Variants in NKAIN3 observed in about 807,000 individuals in gnomAD.
NKAIN3 encodes sodium/potassium transporting ATPase interacting 3.
Under a neutral mutation model 30.2 loss-of-function variants are expected in NKAIN3, and 25 were observed. The ratio of observed to expected loss-of-function variants is 0.83; its 90% CI spans 0.60 to 1.16. The LOEUF is 1.16. Among genes scored for constraint, NKAIN3 ranks in the 50% most tolerant of loss-of-function variants. The pLI is 0.00. For missense variants in NKAIN3, 225 were observed against 254.1 expected, an observed-to-expected ratio of 0.89 and a Z score of 0.78; for synonymous variants, 91 against 89.6, an observed-to-expected ratio of 1.02 and a Z score of -0.09.
intron 4 of NKAIN3, among the ~76,000 whole-genome samples, chr8:62,870,697 A>ATATATATATATCTC (rs1820609562): frequency 1.9e-5 from 2 of 107,836 alleles, no homozygotes; most frequent in South Asian, 3.0e-4. Context: ...CTCTCTATCT[A>ATATATATATATCTC]TATATCTATA....
At chr8:62,259,659 G>A (rs984414928) in intron 1 of NKAIN3, among the ~76,000 whole-genome samples, 1 of 152,138 alleles carries the variant, frequency 6.6e-6, no homozygotes, top group African/African-American at 2.4e-5. Flanking sequence ...GCCCTGTAAT[G>A]GAACATTCTT....
At chr8:62,646,337 TCA>T (rs1002840555) in intron 3 of NKAIN3, among the ~76,000 whole-genome samples, 5 of 152,138 alleles carry the variant, frequency 3.3e-5, no homozygotes, top group African/African-American at 1.2e-4. Flanking sequence ...TCATTTACAT[TCA>T]AAACTGCAAA....
chr8:62,806,403 C>G (rs546232095), intron 4 of NKAIN3, among the ~76,000 whole-genome samples: 14 of 152,242 alleles, frequency 9.2e-5, no homozygotes, highest in Non-Finnish European at 1.9e-4. Context: ...TTGAACCAAC[C>G]CAAATGTGCA....
At chr8:62,388,668 G>T (rs1321907875) in intron 1 of NKAIN3, among the ~76,000 whole-genome samples, 1 of 152,190 alleles carries the variant, frequency 6.6e-6, no homozygotes, top group East Asian at 1.9e-4. Context: ...CATCAAAGTT[G>T]CATTATCCTA....
At chr8:62,657,418 G>A (rs1242232242) in intron 3 of NKAIN3, among the ~76,000 whole-genome samples, 1 of 152,094 alleles carries the variant, frequency 6.6e-6, no homozygotes, top group Non-Finnish European at 1.5e-5. Context: ...TGTGCCCTTA[G>A]CCAATCTCAA....
At chr8:62,728,203 T>C (rs1444954509) in intron 3 of NKAIN3, among the ~76,000 whole-genome samples, 2 of 151,994 alleles carry the variant, frequency 1.3e-5, no homozygotes, top group Non-Finnish European at 2.9e-5. Context: ...AACTATATAC[T>C]CCTAGATCAT....
chr8:62,962,400 A>T (rs1210370818), intron 6 of NKAIN3, among the ~76,000 whole-genome samples: 2 of 152,242 alleles, frequency 1.3e-5, no homozygotes, highest in African/African-American at 4.8e-5. Context: ...AGATGATTGG[A>T]GCAAGTGATT....
At chr8:62,461,998 T>A (rs1054793743) in intron 1 of NKAIN3, among the ~76,000 whole-genome samples, 5 of 151,964 alleles carry the variant, frequency 3.3e-5, no homozygotes, top group African/African-American at 4.8e-5. Flanking sequence ...CCAAGTAGGA[T>A]GAATTCAAAG....
In NKAIN3 at chr8:62,337,603, GAC is replaced by G. The variant is rs563117785; in HGVS notation, c.54+88483_54+88484del. Among the ~76,000 whole-genome samples, 12 of 150,092 alleles carry G rather than the reference GAC, an allele frequency of 8.0e-5. No homozygotes were observed. In the South Asian group the frequency reaches 2.3e-3, roughly 29 times the overall value. ...TATATATAACACAACACACATAACA[GAC>G]ACACACTCTCACACACATATGTGTG... On this transcript the variant is annotated intron_variant, in intron 1 of 6. Coordinates refer to ENST00000623646, the MANE Select transcript of NKAIN3 (RefSeq NM_001304533.3).
intron 4 of NKAIN3, among the ~76,000 whole-genome samples, chr8:62,838,129 C>CTGTG (rs4031520): frequency 0.61 from 90,464 of 147,404 alleles, 28,089 homozygotes; most frequent in Non-Finnish European, 0.7. Context: ...CAATACCGCT[C>CTGTG]TGTGTGTGTG....
At chr8:62,863,479 C>G in intron 4 of NKAIN3, 2 of 1,550,644 alleles carry the variant, frequency 1.3e-6, no homozygotes, top group Non-Finnish European at 1.8e-6. Context: ...TCAAATGATA[C>G]TCTTCAGACA....
At chr8:62,945,763 G>A (rs766502582) in intron 5 of NKAIN3, among the ~76,000 whole-genome samples, 2 of 152,230 alleles carry the variant, frequency 1.3e-5, no homozygotes, top group Non-Finnish European at 2.9e-5. Context: ...CCACAATGAG[G>A]AAGAATGAGG....
At chr8:62,538,939 T>A (rs1373103661) in intron 1 of NKAIN3, among the ~76,000 whole-genome samples, 1 of 152,210 alleles carries the variant, frequency 6.6e-6, no homozygotes. Flanking sequence ...TTGTATCATT[T>A]TACATATTAA....
At chr8:62,903,060 T>C (rs1322619187) in intron 4 of NKAIN3, among the ~76,000 whole-genome samples, 4 of 152,216 alleles carry the variant, frequency 2.6e-5, no homozygotes, top group African/African-American at 9.6e-5. Context: ...AATCATTTGT[T>C]TTTCATTTTG....
Position 62,660,115 on chromosome 8 carries a change from G to C in NKAIN3, c.273+70321G>C, listed in dbSNP as rs138294597. 2.1e-3 allele frequency among the ~76,000 whole-genome samples: 318 copies of C among 152,260 alleles called. 3 individuals are homozygous for C. Among genetic ancestry groups the C allele is most frequent in the African/African-American group, 7.3e-3 (302 of 41,546 alleles). On this transcript the variant is annotated intron_variant, in intron 3 of 6. Transcript: ENST00000623646. Reference sequence around the variant, plus strand: ...TTATCTGACCTAGAGCCACTCCCAAGTTACCAACTTGGTTGGGGAGGCAAC... The same window carrying C: ...TTATCTGACCTAGAGCCACTCCCAACTTACCAACTTGGTTGGGGAGGCAAC...
rs200933923 is a variant in NKAIN3, at chr8:62,275,301, A to T, written c.54+26174A>T. 6.6e-4 allele frequency among the ~76,000 whole-genome samples: 101 copies of T among 152,296 alleles called. 2 individuals are homozygous for T. The East Asian group carries it at 0.015, about 23-fold the overall frequency. ...ATGATTGCATTCTAACTGGTGTGAGATGGTATCTCATTGTGGTTTTGATTT... is the reference window on the plus strand; with the variant it reads ...ATGATTGCATTCTAACTGGTGTGAGTTGGTATCTCATTGTGGTTTTGATTT... On this transcript the variant is annotated intron_variant, in intron 1 of 6. Coordinates refer to ENST00000623646, the MANE Select transcript of NKAIN3 (RefSeq NM_001304533.3).
chr8:62,273,426 A>G (rs370445168), intron 1 of NKAIN3, among the ~76,000 whole-genome samples: 1 of 152,224 alleles, frequency 6.6e-6, no homozygotes, highest in African/African-American at 2.4e-5. Context: ...AGCCTTAAAA[A>G]GGCCCTATAC....
chr8:62,397,706 G>T (rs756528190), intron 1 of NKAIN3, among the ~76,000 whole-genome samples: 1 of 152,164 alleles, frequency 6.6e-6, no homozygotes, highest in African/African-American at 2.4e-5. Flanking sequence ...AGCGCCTACA[G>T]ATGCTGGTTT....
At chr8:62,537,320 A>G (rs886383064) in intron 1 of NKAIN3, among the ~76,000 whole-genome samples, 5 of 152,170 alleles carry the variant, frequency 3.3e-5, no homozygotes, top group Non-Finnish European at 7.4e-5. Flanking sequence ...AAAGGAACTG[A>G]TTTTACTTAG....
Sources: gnomAD v4.1 joint callset for allele counts (sites outside exome capture counted in the v4.1 genomes callset) on GRCh38, gnomAD v4.1.1 for gene constraint, MANE v1.5 for transcripts, NCBI Gene and HGNC (gene_info 2026-07-23, HGNC 2026-07-21) for gene names.